Variants in DCC observed in about 807,000 individuals in gnomAD.
DCC encodes the protein netrin receptor DCC.
In DCC, 58 loss-of-function variants were observed where a neutral mutation model predicts 172.5. The observed-to-expected ratio is 0.34, with a 90% CI of 0.27 to 0.42. The LOEUF (loss-of-function observed/expected upper bound fraction) is 0.42. Ranked by LOEUF, DCC falls within the 10% of genes least tolerant of loss-of-function variation. The pLI is 1.00. For synonymous variants in DCC, 709 were observed against 644.5 expected (o/e 1.10, Z -1.52); for missense variants, 1,740 against 1,791.0 (o/e 0.97, Z 0.51).
chr18:53,412,059 AG>A (rs2145058053), intron 20 of DCC, among the ~76,000 whole-genome samples: 1 of 152,270 alleles, frequency 6.6e-6, no homozygotes, highest in East Asian at 1.9e-4. Flanking sequence ...AGTTATCATA[AG>A]ATTTGCAGGC....
At chr18:52,594,333 C>T (rs773297408) in intron 1 of DCC, among the ~76,000 whole-genome samples, 9 of 152,164 alleles carry the variant, frequency 5.9e-5, no homozygotes, top group Non-Finnish European at 1.2e-4. Context: ...ATTCTTGTCT[C>T]ACATTGTTTA....
intron 16 of DCC, among the ~76,000 whole-genome samples, chr18:53,390,251 T>TTCTC (rs3838902): frequency 0.3 from 40,703 of 133,466 alleles, 5,960 homozygotes; most frequent in South Asian, 0.45. Context: ...CTCTTTCTCT[T>TTCTC]TCTCTCTCTC....
chr18:53,178,110 A>T (rs1379301860), intron 8 of DCC, among the ~76,000 whole-genome samples: 1 of 152,176 alleles, frequency 6.6e-6, no homozygotes, highest in Non-Finnish European at 1.5e-5. Context: ...CACTCAGTTC[A>T]ATCAGCTATA....
chr18:52,526,464 C>T (rs548471302), intron 1 of DCC, among the ~76,000 whole-genome samples: 2 of 151,498 alleles, frequency 1.3e-5, no homozygotes, highest in East Asian at 3.9e-4. Context: ...CAATTCAGAA[C>T]ATTTGATCTT....
chr18:53,253,483 C>T (rs1299837703), intron 12 of DCC, among the ~76,000 whole-genome samples: 1 of 151,994 alleles, frequency 6.6e-6, no homozygotes. Flanking sequence ...TTCTGAATGT[C>T]CTCTTAGGTT....
intron 2 of DCC, among the ~76,000 whole-genome samples, chr18:52,820,500 T>TC (rs2038386606): frequency 6.6e-6 from 1 of 151,810 alleles, no homozygotes; most frequent in Non-Finnish European, 1.5e-5. Context: ...ATGTTTTTTT[T>TC]CTCAATTTCT....
chr18:52,609,908 C>T (rs1283981618), intron 1 of DCC, among the ~76,000 whole-genome samples: 1 of 151,700 alleles, frequency 6.6e-6, no homozygotes, highest in Non-Finnish European at 1.5e-5. Flanking sequence ...GTAGGAGTGA[C>T]AGCCTTATTG....
Position 52,926,916 on chromosome 18 carries a change from T to TACATATGTACAC in DCC, c.985+1552_985+1553insGTACACACATAT, listed in dbSNP as rs2040213721. 2.9e-5 allele frequency among the ~76,000 whole-genome samples: 4 copies of TACATATGTACAC among 136,626 alleles called. No individual in the cohort carries two copies. In the South Asian group the frequency reaches 9.1e-4, roughly 31 times the overall value. The allele number at this position is 136,626 out of a possible 152,430, so 89.6% of individuals were successfully genotyped here. Reference sequence around the variant, plus strand: ...ATACATATGTGTGTATATATACGTATACATATATATGTATATATAAACGTA... The same window carrying TACATATGTACAC: ...ATACATATGTGTGTATATATACGTATACATATGTACACACATATATATGTATATATAAACGTA... On this transcript the variant is annotated intron_variant, in intron 5 of 28. Coordinates refer to ENST00000442544, the MANE Select transcript of DCC (RefSeq NM_005215.4).
At chr18:53,014,336 G>T (rs965131618) in intron 5 of DCC, among the ~76,000 whole-genome samples, 1 of 151,798 alleles carries the variant, frequency 6.6e-6, no homozygotes, top group African/African-American at 2.4e-5. Flanking sequence ...CAACGTGCAG[G>T]TTAGTTACAT....
intron 1 of DCC, among the ~76,000 whole-genome samples, chr18:52,673,432 T>G (rs1199683121): frequency 6.6e-6 from 1 of 152,202 alleles, no homozygotes; most frequent in Non-Finnish European, 1.5e-5. Flanking sequence ...TGTCTGATGT[T>G]TGTCTCATGT....
At chr18:53,459,535 A>G (rs2045525707) in intron 24 of DCC, 77 bp downstream of exon 24, 1 of 895,214 alleles carries the variant, frequency 1.1e-6, no homozygotes, top group African/African-American at 1.6e-5. Context: ...TTTTATGGAA[A>G]TGTCTTCCCT....
At chr18:52,899,277 G>A (rs934079114) in intron 2 of DCC, among the ~76,000 whole-genome samples, 1 of 150,894 alleles carries the variant, frequency 6.6e-6, no homozygotes, top group African/African-American at 2.4e-5. Context: ...AGCTTCCTGA[G>A]TAGCTGGGAC....
chr18:53,186,627 T>A (rs9966566), intron 9 of DCC, among the ~76,000 whole-genome samples: 7,621 of 152,292 alleles, frequency 0.05, 217 homozygotes, highest in Middle Eastern at 0.12. Context: ...ATGCAGTTCA[T>A]AAGTATTTAC....
chr18:52,524,284 C>T (rs901324529), intron 1 of DCC, among the ~76,000 whole-genome samples: 1 of 152,166 alleles, frequency 6.6e-6, no homozygotes, highest in Non-Finnish European at 1.5e-5. Context: ...TTTATTTAAA[C>T]ACATTGGTTT....
chr18:53,059,172 C>G (rs923194768), intron 5 of DCC, among the ~76,000 whole-genome samples: 4 of 151,984 alleles, frequency 2.6e-5, no homozygotes, highest in Admixed American at 6.6e-5. Flanking sequence ...GAGAACAGCA[C>G]GAGGGTAACT....
At chr18:53,439,387 T>C (rs543089136) in intron 22 of DCC, among the ~76,000 whole-genome samples, 1 of 152,168 alleles carries the variant, frequency 6.6e-6, no homozygotes, top group Non-Finnish European at 1.5e-5. Flanking sequence ...ACATTTAATG[T>C]CTGAGTTTTT....
At chr18:52,869,875 G>A (rs73456895) in intron 2 of DCC, among the ~76,000 whole-genome samples, 7,915 of 152,276 alleles carry the variant, frequency 0.052, 274 homozygotes, top group South Asian at 0.14. Context: ...CAAGCCTGGG[G>A]GGTAAAGGCG....
chr18:52,845,019 G>T (rs1598860136), intron 2 of DCC, among the ~76,000 whole-genome samples: 1 of 152,210 alleles, frequency 6.6e-6, no homozygotes, highest in East Asian at 1.9e-4. Flanking sequence ...GCAAAGACCT[G>T]TCCAAGAGGT....
At chr18:52,598,552 G>T (rs2033953784) in intron 1 of DCC, among the ~76,000 whole-genome samples, 1 of 152,154 alleles carries the variant, frequency 6.6e-6, no homozygotes, top group African/African-American at 2.4e-5. Flanking sequence ...ATGATGGGAG[G>T]TAAACGGTGG....
Sources: gnomAD v4.1 joint callset for allele counts (sites outside exome capture counted in the v4.1 genomes callset) on GRCh38, gnomAD v4.1.1 for gene constraint, MANE v1.5 for transcripts, NCBI Gene and HGNC (gene_info 2026-07-23, HGNC 2026-07-21) for gene names.